The following SYNJ2 variants were observed in gnomAD, a reference collection of about 807,000 sequenced individuals.
The protein encoded by SYNJ2 is polyphosphatidylinositol phosphatase SYNJ2.
A neutral mutation model predicts 141.3 loss-of-function variants in SYNJ2; 116 were observed. That is an observed-to-expected ratio of 0.82 (90% CI 0.71 to 0.96). The LOEUF (loss-of-function observed/expected upper bound fraction) is 0.96. SYNJ2 is among the 40% of genes least tolerant of loss of function. The pLI is 0.00. For missense variants in SYNJ2, 1,873 were observed against 1,934.8 expected (o/e 0.97, Z 0.60); for synonymous variants, 745 against 777.7 (o/e 0.96, Z 0.70).
chr6:158,093,122 T>C lies in SYNJ2; in HGVS notation c.3744+18T>C, dbSNP rs764357972. On this transcript the variant is annotated intron_variant, in intron 26 of 26. Coordinates refer to ENST00000355585, the MANE Select transcript of SYNJ2 (RefSeq NM_003898.4). ...CAGGAAAGGTAAAAGCCTGGTAACA[T>C]AAAACCTCTTACTCCTAAGTTGCTC... The C allele has an allele frequency of 5.0e-6, 8 of 1,605,278 alleles. No homozygotes were observed. In the Admixed American group the frequency reaches 1.2e-4, roughly 25 times the overall value.
intron 1 of SYNJ2, among the ~76,000 whole-genome samples, chr6:158,000,746 T>C (rs975717188): frequency 6.6e-6 from 1 of 151,998 alleles, no homozygotes; most frequent in Admixed American, 6.5e-5. Context: ...CGGCCTCTTC[T>C]TTGAACACTT....
At chr6:158,001,176 T>C (rs1313458386) in intron 1 of SYNJ2, 1 of 152,320 alleles carries the variant, frequency 6.6e-6, no homozygotes. Flanking sequence ...TTGCTGAATG[T>C]GGCCGGAGAA....
At chr6:157,993,901 G>A (rs6922551) in intron 1 of SYNJ2, among the ~76,000 whole-genome samples, 4,666 of 131,430 alleles carry the variant, frequency 0.036, 255 homozygotes, top group African/African-American at 0.12. Context: ...TGCAAGCTCC[G>A]CCTCCCTGGT....
Position 158,098,075 on chromosome 6 carries a change from C to T in SYNJ2, c.*1711C>T, listed in dbSNP as rs550162724. 7.5e-5 allele frequency: 9 copies of T among 119,214 alleles called. No homozygotes were observed. The highest frequency in any genetic ancestry group is 1.1e-4 in the Non-Finnish European group (6 of 55,670). 7.4% of individuals were successfully genotyped at this position (119,214 alleles called of 1,614,324 possible). ...GAAGCTGATTTGCCAAGATGCACAT[C>T]GCTATTAACAGCCAGAGTCATAAAT... On this transcript the variant is annotated 3_prime_UTR_variant, in exon 27 of 27. Coordinates refer to ENST00000355585, the MANE Select transcript of SYNJ2 (RefSeq NM_003898.4).
intron 22 of SYNJ2, among the ~76,000 whole-genome samples, chr6:158,085,084 A>G (rs1330254053): frequency 1.3e-5 from 2 of 151,178 alleles, no homozygotes; most frequent in African/African-American, 4.9e-5. Context: ...CAGTGATACA[A>G]TCTCAGCTCA....
rs764135611 is a variant in SYNJ2 at position 158,071,636 on chromosome 6, G to C, written c.1975G>C (p.Gly659Arg). 1.2e-6 allele frequency: 2 copies of C among 1,614,074 alleles called. No homozygotes were observed. The highest frequency in any genetic ancestry group is 2.2e-5 in the East Asian group (1 of 44,880). The change falls in exon 15 of 27, where the codon GGG becomes CGG. Residue 659 changes from glycine to arginine, a missense_variant. Physicochemically the swap from Gly to Arg is moderately radical, Grantham distance 125. Coordinates refer to ENST00000355585, the MANE Select transcript of SYNJ2 (RefSeq NM_003898.4). The surrounding 1 kb of genome is among the most constrained non-coding windows in gnomAD (Gnocchi z 4.3). The part of the protein sequence containing the change: ...VAIDTVKTGM[G>R]GKAGNKGAVG... ...CATCGACACAGTGAAGACGGGCATG[G>C]GGGGCAAGGCGGGGAACAAGGGCGC...
chr6:157,990,061 C>T (rs1269874755), intron 1 of SYNJ2, among the ~76,000 whole-genome samples: 1 of 152,218 alleles, frequency 6.6e-6, no homozygotes, highest in Non-Finnish European at 1.5e-5. Context: ...CCGTCTGTGC[C>T]CTTGGCCCGC....
In SYNJ2 at chr6:158,095,863, C is replaced by T; in HGVS notation, c.3990C>T (p.Pro1330=). The change falls in exon 27 of 27, where the codon CCC becomes CCT. Residue 1330 remains proline, a synonymous_variant. Transcript: ENST00000355585. ...PPPLEAPPLV[P]KVPPRRKKSA... ...CTCTGGAGGCGCCGCCTCTTGTGCC[C>T]AAGGTACCCCCGAGGAGGAAGAAGT... 1.2e-6 allele frequency: 2 copies of T among 1,614,144 alleles called. No individual in the cohort carries two copies. Among genetic ancestry groups the T allele is most frequent in the East Asian group, 2.2e-5 (1 of 44,886 alleles).
intron 2 of SYNJ2, among the ~76,000 whole-genome samples, chr6:158,022,036 G>A (rs943312807): frequency 3.9e-5 from 6 of 152,206 alleles, no homozygotes; most frequent in African/African-American, 9.7e-5. Context: ...CCTCCCTCAT[G>A]TTCTGCAGAA....
At chr6:158,089,159 G>C (rs1369145104) in intron 24 of SYNJ2, among the ~76,000 whole-genome samples, 2 of 152,132 alleles carry the variant, frequency 1.3e-5, no homozygotes, top group Non-Finnish European at 2.9e-5. Context: ...TGAGAGAAGA[G>C]GCTAAAAAGA....
In SYNJ2 at chr6:157,982,561, T is replaced by C. The variant is rs1777054548; in HGVS notation, c.127+473T>C. Among the ~76,000 whole-genome samples, 1 of 152,210 alleles carries C rather than the reference T, an allele frequency of 6.6e-6. No homozygotes were observed. Among genetic ancestry groups the C allele is most frequent in the African/African-American group, 2.4e-5 (1 of 41,452 alleles). On this transcript the variant is annotated intron_variant, in intron 1 of 26. Coordinates refer to ENST00000355585, the MANE Select transcript of SYNJ2 (RefSeq NM_003898.4). The surrounding 1 kb of genome is among the most constrained non-coding windows in gnomAD (Gnocchi z 4.0). The stretch of plus-strand genomic sequence containing the variant: ...TCTGGAGAAACCGCTGATGGCAGCT[T>C]TGTCCCACGTAAATACTTGGTCGAG...
chr6:158,008,841 C>G (rs1778162859), intron 1 of SYNJ2, among the ~76,000 whole-genome samples: 1 of 152,172 alleles, frequency 6.6e-6, no homozygotes, highest in Non-Finnish European at 1.5e-5. Context: ...AGAGTCAGTT[C>G]TCAACAGAGC....
intron 1 of SYNJ2, among the ~76,000 whole-genome samples, chr6:157,985,588 G>T (rs1777169154): frequency 6.6e-6 from 1 of 152,186 alleles, no homozygotes; most frequent in Non-Finnish European, 1.5e-5. Context: ...TTGCACATGG[G>T]ACAAAAACCT....
At chr6:158,012,167 TG>T (rs769161478) in intron 1 of SYNJ2, among the ~76,000 whole-genome samples, 41 of 152,076 alleles carry the variant, frequency 2.7e-4, no homozygotes, top group Non-Finnish European at 5.4e-4. Context: ...AAGCAGATGC[TG>T]GGGGAGAGGA....
intron 5 of SYNJ2, among the ~76,000 whole-genome samples, chr6:158,051,009 G>A (rs552727764): frequency 1.3e-5 from 2 of 152,172 alleles, no homozygotes; most frequent in South Asian, 2.1e-4. Flanking sequence ...ATATGTTAAC[G>A]GGGGAGCTAT....
At chr6:158,038,919 G>A (rs1486139949) in intron 4 of SYNJ2, among the ~76,000 whole-genome samples, 1 of 152,260 alleles carries the variant, frequency 6.6e-6, no homozygotes, top group African/African-American at 2.4e-5. Context: ...AAACACAGGT[G>A]AACTGGAAGA....
At chr6:157,981,642 G>A (rs1777009041), upstream of SYNJ2, among the ~76,000 whole-genome samples, 1 of 151,872 alleles carries the variant, frequency 6.6e-6, no homozygotes, top group South Asian at 2.1e-4. This position sits in a 1 kb window ranked among gnomAD's most constrained non-coding sequence, Gnocchi z 6.4. Flanking sequence ...AGGAATGCGT[G>A]GCATCCGGGA....
chr6:158,081,285 T>TC lies in SYNJ2; in HGVS notation c.2745dup (p.Met916HisfsTer49). 6.2e-7 allele frequency: 1 copy of TC among 1,614,136 alleles called. No homozygotes were observed. The highest frequency in any genetic ancestry group is 8.5e-7 in the Non-Finnish European group (1 of 1,180,026). On this transcript the variant is annotated frameshift_variant, in exon 19 of 27. Transcript: ENST00000355585. LOFTEE classifies it high-confidence loss of function. ...TTTCCAGAGGACCTGCGTACTGAGC[T>TC]CATGCAGACCTTGGGGAGTTATGGG...
intron 22 of SYNJ2, 31 bp from the exon 23 acceptor site, chr6:158,086,824 C>T (rs770708692): frequency 6.8e-6 from 11 of 1,608,974 alleles, no homozygotes; most frequent in Non-Finnish European, 9.3e-6. Flanking sequence ...TGGAACAGAC[C>T]ATTGTACTCA....
Sources: gnomAD v4.1 joint callset for allele counts (sites outside exome capture counted in the v4.1 genomes callset) on GRCh38, gnomAD v4.1.1 for gene constraint, Gnocchi (gnomAD v3.1) non-coding constraint, MANE v1.5 for transcripts, NCBI Gene and HGNC (gene_info 2026-07-23, HGNC 2026-07-21) for gene names.